Variants in AKNAD1 observed in about 807,000 individuals in gnomAD.
AKNAD1 encodes AKNA domain containing 1.
In AKNAD1, 67 loss-of-function variants were observed where a neutral mutation model predicts 90.8. That is an observed-to-expected ratio of 0.74 (90% confidence interval 0.61 to 0.90). The LOEUF (loss-of-function observed/expected upper bound fraction) is 0.90, where lower values mean the gene tolerates loss of function less well. AKNAD1 is among the 40% of genes least tolerant of loss of function. The pLI, the probability that AKNAD1 is intolerant of heterozygous loss-of-function variation, is 0.00. For missense variants in AKNAD1, 957 were observed against 975.4 expected (o/e 0.98, Z 0.25); for synonymous variants, 327 against 341.4 (o/e 0.96, Z 0.46).
intron 5 of AKNAD1, among the ~76,000 whole-genome samples, chr1:108,846,296 T>C (rs879578338): frequency 9.2e-5 from 14 of 152,036 alleles, no homozygotes; most frequent in Non-Finnish European, 2.1e-4. Context: ...TCAGCAGGGA[T>C]CCTCACATAC....
rs1245855051 is a variant in AKNAD1, at chr1:108,851,767, G to A, written c.898C>T (p.Gln300Ter). Residue 300 changes from glutamine to a stop codon, truncating the protein, a stop_gained, in exon 2 of 16, where the codon CAA becomes TAA. Coordinates refer to ENST00000370001, the MANE Select transcript of AKNAD1 (RefSeq NM_152763.5). LOFTEE classifies it high-confidence loss of function. The stretch of plus-strand genomic sequence containing the variant: ...TCAGGCGTGGTTTCTAGACTATCTT[G>A]CACAAGAGTGGGTTTATCTCTCGAC... The part of the protein sequence containing the change: ...SKSRDKPTLV[Q>*]DSLETTPESN... 2.5e-6 allele frequency: 4 copies of A among 1,613,898 alleles called. No homozygotes were observed. The African/African-American group carries it at 5.3e-5, about 22-fold the overall frequency.
At chr1:108,822,942 A>G in intron 13 of AKNAD1, 1 of 422,176 alleles carries the variant, frequency 2.4e-6, no homozygotes, top group Non-Finnish European at 4.2e-6. Flanking sequence ...TTGCATTGGA[A>G]GTTAGCAACA....
intron 1 of AKNAD1, among the ~76,000 whole-genome samples, chr1:108,854,897 G>A (rs1046224524): frequency 5.9e-5 from 9 of 152,044 alleles, no homozygotes; most frequent in East Asian, 3.9e-4. Flanking sequence ...TGTGAGTCTC[G>A]GTTGCCTTTT....
chr1:108,824,777 G>A (rs1002690227), intron 11 of AKNAD1, among the ~76,000 whole-genome samples: 1 of 151,268 alleles, frequency 6.6e-6, no homozygotes, highest in Non-Finnish European at 1.5e-5. Flanking sequence ...GAACTCCTGG[G>A]CTCAAGCAAT....
Position 108,842,219 on chromosome 1 carries a change from C to T in AKNAD1, c.1379+915G>A, listed in dbSNP as rs138208444. Among the ~76,000 whole-genome samples the T allele has an allele frequency of 4.7e-3, 714 of 152,140 alleles. 8 individuals are homozygous for T. Among genetic ancestry groups the T allele is most frequent in the African/African-American group, 0.016 (682 of 41,506 alleles). On this transcript the variant is annotated intron_variant, in intron 6 of 15. Coordinates refer to ENST00000370001, the MANE Select transcript of AKNAD1 (RefSeq NM_152763.5). ...TTAATTTTGGAAAAGTAAAACCATA[C>T]CTTGGGGAAAAAAATGCCACAGAAC... is the stretch of plus-strand genomic sequence containing the variant.
At chr1:108,837,840 GC>G in intron 6 of AKNAD1, 134 bp from the exon 7 acceptor site, 2 of 995,700 alleles carry the variant, frequency 2.0e-6, no homozygotes, top group South Asian at 3.1e-5. Context: ...GATAATGGGA[GC>G]CCGCATGACT....
Position 108,852,679 on chromosome 1 carries a change from A to G in AKNAD1, c.-15T>C, listed in dbSNP as rs1341389957. 1 of 1,546,612 alleles carries G rather than the reference A, an allele frequency of 6.5e-7. No homozygotes were observed. Among genetic ancestry groups the G allele is most frequent in the Admixed American group, 2.0e-5 (1 of 48,876 alleles). Reference sequence around the variant, plus strand: ...GCCTCATCCATGTGTGTGCAGCCCGATCGCTCTCGTCCTCTGCCTCCTGAG... The same window carrying G: ...GCCTCATCCATGTGTGTGCAGCCCGGTCGCTCTCGTCCTCTGCCTCCTGAG... On this transcript the variant is annotated 5_prime_UTR_variant, in exon 2 of 16. Coordinates refer to ENST00000370001, the MANE Select transcript of AKNAD1 (RefSeq NM_152763.5).
intron 9 of AKNAD1, among the ~76,000 whole-genome samples, chr1:108,833,907 T>C (rs1039873348): frequency 2.0e-5 from 3 of 152,044 alleles, no homozygotes; most frequent in African/African-American, 7.2e-5. Flanking sequence ...ACTCTTCCTC[T>C]GCAAAAAGTC....
At chr1:108,822,940 G>T in intron 13 of AKNAD1, 1 of 416,440 alleles carries the variant, frequency 2.4e-6, no homozygotes, top group Non-Finnish European at 4.2e-6. Context: ...TTTTGCATTG[G>T]AAGTTAGCAA....
chr1:108,833,319 A>G (rs901226777), intron 9 of AKNAD1, among the ~76,000 whole-genome samples: 11 of 152,354 alleles, frequency 7.2e-5, no homozygotes, highest in Non-Finnish European at 1.5e-4. Flanking sequence ...GCAGTGGCTC[A>G]TGCCTGTAAT....
intron 1 of AKNAD1, among the ~76,000 whole-genome samples, 198 bp from the exon 2 acceptor site, chr1:108,852,965 A>G (rs948314761): frequency 1.6e-5 from 2 of 121,592 alleles, no homozygotes; most frequent in African/African-American, 3.4e-5. Flanking sequence ...GAATGGGGGA[A>G]AAAAAAAAAG....
chr1:108,848,797 T>C lies in AKNAD1; in HGVS notation c.1200A>G (p.Lys400=). The change falls in exon 5 of 16, where the codon AAA becomes AAG. Residue 400 remains lysine, a synonymous_variant. Transcript: ENST00000370001. ...GGTAAGGAGAGTCCTGTTTTATTCT[T>C]TTGGAAAATTCTTGTACCTGCAGTG... is the stretch of plus-strand genomic sequence containing the variant. The part of the protein sequence containing the change: ...QLKTKVQEFS[K]RIKQDSPYHL... The C allele has an allele frequency of 6.2e-7, 1 of 1,610,726 alleles. No homozygotes were observed.
chr1:108,823,646 T>G lies in AKNAD1; in HGVS notation c.1979A>C (p.Glu660Ala), dbSNP rs761393524. Residue 660 changes from glutamate to alanine, a missense_variant, in exon 12 of 16, where the codon GAA becomes GCA. Transcript: ENST00000370001. ...GHSFCSDSGTEMQSNKCQDCG... is the reference protein window; with the variant it reads ...GHSFCSDSGTAMQSNKCQDCG... The stretch of plus-strand genomic sequence containing the variant: ...GTCCTGACATTTGTTACTCTGCATT[T>G]CAGTGCCAGAATCAGAACAGAAGCT... 1.2e-6 allele frequency: 2 copies of G among 1,614,168 alleles called. No homozygotes were observed. The highest frequency in any genetic ancestry group is 3.3e-5 in the Admixed American group (2 of 60,024).
Position 108,820,620 on chromosome 1 carries a change from A to T in AKNAD1, c.2174T>A (p.Leu725Ter), listed in dbSNP as rs142453543. The T allele has an allele frequency of 1.3e-5, 21 of 1,598,898 alleles. No homozygotes were observed. In the South Asian group the frequency reaches 1.7e-4, roughly 13 times the overall value. ...DESKNSSPSFLKPKRICSQRV... is the reference protein window; with the variant it reads ...DESKNSSPSF ...CTGAGAACAGATCCGTTTGGGTTTT[A>T]AAAAAGCTGAAAAATGTTAGCTATC... Residue 725 changes from leucine (L) to a stop codon, truncating the protein, a stop_gained, in exon 14 of 16, where the codon TTA becomes TAA. Coordinates refer to ENST00000370001, the MANE Select transcript of AKNAD1 (RefSeq NM_152763.5). LOFTEE classifies it high-confidence loss of function.
At position 108,852,751 on chromosome 1, in the gene AKNAD1, C is replaced by G; in HGVS notation, c.-87G>C. The G allele has an allele frequency of 7.8e-7, 1 of 1,286,104 alleles. No individual in the cohort carries two copies. The highest frequency in any genetic ancestry group is 1.1e-6 in the Non-Finnish European group (1 of 940,548). 79.7% of individuals were successfully genotyped at this position (1,286,104 alleles called of 1,614,324 possible). On this transcript the variant is annotated 5_prime_UTR_variant, in exon 2 of 16. Transcript: ENST00000370001. The stretch of plus-strand genomic sequence containing the variant: ...AATAGCTCTGGTTCTCACTGACTGT[C>G]TTCACTGTGTGCTATTCTGTGTGAA...
intron 6 of AKNAD1, among the ~76,000 whole-genome samples, chr1:108,840,497 A>C (rs938980980): frequency 6.6e-6 from 1 of 152,238 alleles, no homozygotes; most frequent in African/African-American, 2.4e-5. Context: ...TCCTCATGAA[A>C]TTTTATTAAG....
At chr1:108,816,974 G>C in intron 15 of AKNAD1, 74 bp downstream of exon 15, 1 of 1,552,688 alleles carries the variant, frequency 6.4e-7, no homozygotes, top group Non-Finnish European at 8.8e-7. Context: ...TAACTTAAGA[G>C]CTGCCAGTTC....
intron 5 of AKNAD1, among the ~76,000 whole-genome samples, chr1:108,846,124 C>T (rs1248001085): frequency 1.3e-5 from 2 of 152,204 alleles, no homozygotes; most frequent in African/African-American, 4.8e-5. Context: ...AGAGGCACGA[C>T]ATCCGCTCCA....
At chr1:108,851,036 G>C (rs1664840429) in intron 2 of AKNAD1, among the ~76,000 whole-genome samples, 1 of 152,146 alleles carries the variant, frequency 6.6e-6, no homozygotes, top group South Asian at 2.1e-4. Context: ...AATAACTAAG[G>C]GCATAACGTA....
Sources: gnomAD v4.1 joint callset for allele counts (sites outside exome capture counted in the v4.1 genomes callset) on GRCh38, gnomAD v4.1.1 for gene constraint, MANE v1.5 for transcripts, NCBI Gene and HGNC (gene_info 2026-07-23, HGNC 2026-07-21) for gene names.